CCDC152: variants seen among roughly 807,000 people sequenced by gnomAD.
The protein encoded by CCDC152 is coiled-coil domain containing 152, also known as coiled-coil domain-containing protein 152.
CCDC152 carries 37 observed loss-of-function variants against 38.1 expected under a neutral mutation model. The ratio of observed to expected loss-of-function variants is 0.97; its 90% CI spans 0.75 to 1.28. The LOEUF (loss-of-function observed/expected upper bound fraction) is 1.28. Ranked by LOEUF, CCDC152 falls within the 50% of genes most tolerant of loss-of-function variation. CCDC152 has a pLI of 0.00. For synonymous variants in CCDC152, 83 were observed against 87.1 expected (o/e 0.95, Z 0.26); for missense variants, 259 against 292.1 (o/e 0.89, Z 0.83).
intron 7 of CCDC152, 90 bp from the exon 8 acceptor site, chr5:42,799,284 AC>A: frequency 1.5e-6 from 1 of 645,708 alleles, no homozygotes; most frequent in Non-Finnish European, 2.6e-6. Flanking sequence ...ATTACAGATT[AC>A]ATGTCAAAGG....
Position 42,801,213 on chromosome 5 carries a change from A to G in CCDC152, c.*1432A>G. 1 of 1,614,172 alleles carries G rather than the reference A, an allele frequency of 6.2e-7. No individual in the cohort carries two copies. The highest frequency in any genetic ancestry group is 8.5e-7 in the Non-Finnish European group (1 of 1,180,038). On this transcript the variant is annotated 3_prime_UTR_variant, in exon 9 of 9. Coordinates refer to ENST00000361970, the MANE Select transcript of CCDC152 (RefSeq NM_001134848.2). ...ATTCTCTGAAAGCTCACTGCTGCCA[A>G]GGTGCTGATGTCCATGATTGTGATG...
At chr5:42,796,738 T>C (rs1760080613) in intron 6 of CCDC152, 91 bp from the exon 7 acceptor site, 2 of 883,528 alleles carry the variant, frequency 2.3e-6, no homozygotes, top group African/African-American at 1.8e-5. Flanking sequence ...ATTTACTTTT[T>C]TAGGAATGAT....
intron 6 of CCDC152, among the ~76,000 whole-genome samples, chr5:42,790,613 G>T (rs141757722): frequency 1.1e-4 from 16 of 152,312 alleles, no homozygotes; most frequent in South Asian, 2.1e-4. Context: ...AACCAGGAGA[G>T]ACTGGGTAAG....
chr5:42,781,668 GT>G (rs1433035262), intron 5 of CCDC152, among the ~76,000 whole-genome samples: 1 of 151,988 alleles, frequency 6.6e-6, no homozygotes, highest in Non-Finnish European at 1.5e-5. Flanking sequence ...TAGGTTAACA[GT>G]TCTGACCTAA....
chr5:42,762,070 T>C (rs1206244149), intron 2 of CCDC152, among the ~76,000 whole-genome samples: 4 of 152,236 alleles, frequency 2.6e-5, no homozygotes, highest in Admixed American at 6.5e-5. Context: ...CTAGGCTTTA[T>C]GGTATAGCCT....
chr5:42,790,825 T>A lies in CCDC152; in HGVS notation c.431-6004T>A, dbSNP rs118017582. On this transcript the variant is annotated intron_variant, in intron 6 of 8. Coordinates refer to ENST00000361970, the MANE Select transcript of CCDC152 (RefSeq NM_001134848.2). ...ATCAAGCTCAGTCATTGACTGGGAG[T>A]AGCTCTTGAGAAGTATGACCTCAGC... is the stretch of plus-strand genomic sequence containing the variant. Among the ~76,000 whole-genome samples the A allele has an allele frequency of 6.2e-4, 94 of 152,204 alleles. 1 individual carries two copies. The East Asian group carries it at 0.018, about 29-fold the overall frequency.
chr5:42,771,587 T>A (rs1421513179), intron 4 of CCDC152, among the ~76,000 whole-genome samples: 1 of 151,252 alleles, frequency 6.6e-6, no homozygotes, highest in Non-Finnish European at 1.5e-5. Flanking sequence ...GAGAAGACGA[T>A]ACAACTGAAA....
intron 6 of CCDC152, among the ~76,000 whole-genome samples, chr5:42,787,327 T>G (rs1035350601): frequency 2.6e-5 from 4 of 152,064 alleles, no homozygotes; most frequent in Non-Finnish European, 5.9e-5. Flanking sequence ...AATTTTTTAA[T>G]TCCAGAAGTT....
rs1760201735 is a variant in CCDC152, at chr5:42,801,485, G to C, written c.*1704G>C. 1.7e-6 allele frequency: 1 copy of C among 578,244 alleles called. No homozygotes were observed. Among genetic ancestry groups the C allele is most frequent in the Non-Finnish European group, 3.0e-6 (1 of 337,314 alleles). 35.8% of individuals were successfully genotyped at this position (578,244 alleles called of 1,614,324 possible). On this transcript the variant is annotated 3_prime_UTR_variant, in exon 9 of 9. Transcript: ENST00000361970. ...ATTAATGAGAAAGAGTCTGATGTTA[G>C]TCTCAACACCTAGACATTTTATTAA...
chr5:42,782,651 A>G (rs1210392716), intron 5 of CCDC152, among the ~76,000 whole-genome samples: 1 of 152,108 alleles, frequency 6.6e-6, no homozygotes, highest in Non-Finnish European at 1.5e-5. Context: ...ATATACTTCA[A>G]AATTGCTAAG....
At chr5:42,770,637 T>A (rs1470980451) in intron 4 of CCDC152, among the ~76,000 whole-genome samples, 1 of 152,174 alleles carries the variant, frequency 6.6e-6, no homozygotes, top group African/African-American at 2.4e-5. Context: ...TGTGTTTCCA[T>A]ATGGATTTTA....
chr5:42,782,958 C>T (rs1335248803), intron 5 of CCDC152, among the ~76,000 whole-genome samples: 1 of 151,946 alleles, frequency 6.6e-6, no homozygotes, highest in Non-Finnish European at 1.5e-5. Flanking sequence ...GCTTCAGGGC[C>T]TCCCGGGTTC....
chr5:42,801,348 A>C lies in CCDC152; in HGVS notation c.*1567A>C. 1 of 1,572,144 alleles carries C rather than the reference A, an allele frequency of 6.4e-7. No homozygotes were observed. Among genetic ancestry groups the C allele is most frequent in the African/African-American group, 1.4e-5 (1 of 73,536 alleles). On this transcript the variant is annotated 3_prime_UTR_variant, in exon 9 of 9. Transcript: ENST00000361970. ...TTTGAGAGTCTGGAACAAATTTATA[A>C]ATCACTTTTTAACAAGCTTATAGAG...
intron 4 of CCDC152, among the ~76,000 whole-genome samples, chr5:42,771,881 G>A (rs1174250610): frequency 1.3e-5 from 2 of 152,014 alleles, no homozygotes; most frequent in East Asian, 1.9e-4. Flanking sequence ...AAAAATAAAA[G>A]CAAAGGGAAC....
intron 6 of CCDC152, 52 bp from the exon 7 acceptor site, chr5:42,796,772 CTTATA>C (rs1561280558): frequency 1.8e-6 from 2 of 1,142,218 alleles, no homozygotes; most frequent in Non-Finnish European, 2.4e-6. Context: ...GAAATACAAA[CTTATA>C]ATAATTTTGA....
chr5:42,769,105 C>T (rs1042736831), intron 3 of CCDC152, among the ~76,000 whole-genome samples: 10 of 151,974 alleles, frequency 6.6e-5, no homozygotes, highest in African/African-American at 2.4e-4. Flanking sequence ...AAAAACTAGC[C>T]AGACATGGTG....
intron 7 of CCDC152, among the ~76,000 whole-genome samples, chr5:42,798,295 A>G (rs906985228): frequency 8.5e-5 from 13 of 152,106 alleles, no homozygotes; most frequent in Admixed American, 2.6e-4. Context: ...CCCCACCCCA[A>G]CTTTCATTTT....
At chr5:42,766,525 G>GATGA (rs1759626409) in intron 3 of CCDC152, among the ~76,000 whole-genome samples, 1 of 152,170 alleles carries the variant, frequency 6.6e-6, no homozygotes, top group Non-Finnish European at 1.5e-5. Flanking sequence ...TTCATCAACA[G>GATGA]ATGAATGAAT....
chr5:42,777,961 C>T (rs1020891015), intron 4 of CCDC152, among the ~76,000 whole-genome samples: 6 of 152,160 alleles, frequency 3.9e-5, no homozygotes, highest in African/African-American at 1.2e-4. Context: ...TCCAAGGCTC[C>T]TCTCAACTTT....
Sources: gnomAD v4.1 joint callset for allele counts (sites outside exome capture counted in the v4.1 genomes callset) on GRCh38, gnomAD v4.1.1 for gene constraint, MANE v1.5 for transcripts, NCBI Gene and HGNC (gene_info 2026-07-23, HGNC 2026-07-21) for gene names.